LONP1: variants seen among roughly 807,000 people sequenced by gnomAD.
The protein encoded by LONP1 is lon protease homolog, mitochondrial.
A neutral mutation model predicts 98.5 loss-of-function variants in LONP1; 31 were observed. The ratio of observed to expected loss-of-function variants is 0.31; its 90% CI spans 0.24 to 0.42. LONP1 has a LOEUF of 0.42. Among genes scored for constraint, LONP1 ranks in the 20% least tolerant of loss-of-function variants. The pLI is 1.00. For synonymous variants in LONP1, 781 were observed against 594.7 expected, an observed-to-expected ratio of 1.31 and a Z score of -4.56; for missense variants, 1,336 against 1,350.6, an observed-to-expected ratio of 0.99 and a Z score of 0.17.
At position 5,707,757 on chromosome 19, in the gene LONP1, C is replaced by G; in HGVS notation, c.1002G>C (p.Met334Ile). 1 of 1,613,382 alleles carries G rather than the reference C, an allele frequency of 6.2e-7. No individual in the cohort carries two copies. The change falls in exon 6 of 18, where the codon ATG becomes ATC. Residue 334 changes from methionine to isoleucine, a missense_variant. Transcript: ENST00000360614. ...ACTCGGCCCCGGTGAGCGCGGCGCC[C>G]ATGTCGCTCAGGTAGATGGGGTTGT... is the stretch of plus-strand genomic sequence containing the variant. ...VVDNPIYLSD[M>I]GAALTGAESH...
rs1167909933 is a variant in LONP1 at position 5,699,057 on chromosome 19, A to G, written c.1655T>C (p.Met552Thr). 6.2e-7 allele frequency: 1 copy of G among 1,608,692 alleles called. No individual in the cohort carries two copies. Among genetic ancestry groups the G allele is most frequent in the South Asian group, 1.1e-5 (1 of 90,812 alleles). ...GCCCTTGATCTCAGCCACGTCAGTCATGCCCCCGACGCTGAAGCGGAAGTA... is the reference window on the plus strand; with the variant it reads ...GCCCTTGATCTCAGCCACGTCAGTCGTGCCCCCGACGCTGAAGCGGAAGTA... ...REYFRFSVGGMTDVAEIKGHR... is the reference protein window; with the variant it reads ...REYFRFSVGGTTDVAEIKGHR... Residue 552 changes from methionine to threonine, a missense_variant, in exon 10 of 18, where the codon ATG (methionine) becomes ACG (threonine). Physicochemically the swap from Met to Thr is moderately conservative, Grantham distance 81. Around this residue, in one of 5 missense-constraint regions of LONP1, gnomAD observed 219 missense variants for 241.0 expected, o/e 0.91. Coordinates refer to ENST00000360614, the MANE Select transcript of LONP1 (RefSeq NM_004793.4).
intron 4 of LONP1, among the ~76,000 whole-genome samples, chr19:5,711,250 C>G (rs1358083363): frequency 6.6e-6 from 1 of 152,198 alleles, no homozygotes; most frequent in Non-Finnish European, 1.5e-5. Flanking sequence ...CGCTTCAGGC[C>G]TTTGGTTAGC....
intron 4 of LONP1, chr19:5,709,033 AAGAC>A (rs1232714796): frequency 6.6e-6 from 1 of 150,872 alleles, no homozygotes; most frequent in East Asian, 2.0e-4. Flanking sequence ...AAAAAAAAAA[AAGAC>A]CAAGTCTTGC....
At chr19:5,699,571 T>TC (rs1568316456) in intron 9 of LONP1, among the ~76,000 whole-genome samples, 1 of 150,054 alleles carries the variant, frequency 6.7e-6, no homozygotes, top group African/African-American at 2.5e-5. Context: ...TTTTTTTTTT[T>TC]TTTTGAGATG....
intron 13 of LONP1, 42 bp downstream of exon 13, chr19:5,695,993 GGCTCTGGGGGGCGCCCCCT>G (rs1377842171): frequency 1.3e-6 from 2 of 1,482,674 alleles, no homozygotes; most frequent in East Asian, 2.3e-5. Flanking sequence ...GGCCTCTGCA[GGCTCTGGGGGGCGCCCCCT>G]GCTCTGGGAA....
intron 10 of LONP1, among the ~76,000 whole-genome samples, chr19:5,697,655 T>C (rs915985649): frequency 6.7e-6 from 1 of 150,236 alleles, no homozygotes; most frequent in Non-Finnish European, 1.5e-5. Flanking sequence ...GAACTTGGGC[T>C]TTGACCGAGG....
upstream of LONP1, chr19:5,720,369 A>G (rs2145647445): frequency 6.4e-6 from 4 of 626,004 alleles, no homozygotes; most frequent in South Asian, 2.4e-5. Flanking sequence ...GAAGGCTGTG[A>G]GCAGGCGCCA....
At chr19:5,718,828 GCT>G (rs1387603765) in intron 1 of LONP1, among the ~76,000 whole-genome samples, 2 of 151,824 alleles carry the variant, frequency 1.3e-5, no homozygotes, top group South Asian at 2.1e-4. Flanking sequence ...CACCCCCAAG[GCT>G]CTTAGTCTGA....
Position 5,696,771 on chromosome 19 carries a change from G to A in LONP1, c.1686-14C>T. 6.2e-7 allele frequency: 1 copy of A among 1,600,256 alleles called. No homozygotes were observed. The highest frequency in any genetic ancestry group is 8.6e-7 in the Non-Finnish European group (1 of 1,169,040). ...ACGTAGGTCCGCCTGTGGGTGCACA[G>A]CGGGGTCAGAGGTCACTTGGTAGCC... On this transcript the variant is annotated splice_polypyrimidine_tract_variant and intron_variant, in intron 10 of 17. Transcript: ENST00000360614.
At position 5,696,114 on chromosome 19, in the gene LONP1, G is replaced by C. The variant is rs754451480; in HGVS notation, c.1953C>G (p.Asp651Glu). ...CCGACACGTTGATCATCTCCATACG[G>C]TCTCGCAGCGGCTCGGGGATGGTGT... ...VTDTIPEPLRDRMEMINVSGY... is the reference protein window; with the variant it reads ...VTDTIPEPLRERMEMINVSGY... Residue 651 changes from aspartate (D) to glutamate (E), a missense_variant, in exon 13 of 18, where the codon GAC becomes GAG. This residue lies in a region of LONP1 where 555 missense variants were observed against 542.6 expected (regional missense o/e 1.02). Transcript: ENST00000360614. The C allele has an allele frequency of 6.2e-7, 1 of 1,613,166 alleles. No homozygotes were observed. Among genetic ancestry groups the C allele is most frequent in the Non-Finnish European group, 8.5e-7 (1 of 1,179,914 alleles).
chr19:5,698,005 G>A (rs1407047442), intron 10 of LONP1, among the ~76,000 whole-genome samples: 1 of 82,226 alleles, frequency 1.2e-5, no homozygotes, highest in African/African-American at 5.0e-5. Context: ...TCACCCAGCT[G>A]CTCCTTCCTG....
At chr19:5,708,468 G>GGGGGGGGCA in intron 4 of LONP1, 65 bp from the exon 5 acceptor site, 1 of 551,268 alleles carries the variant, frequency 1.8e-6, no homozygotes, top group Non-Finnish European at 3.4e-6. Flanking sequence ...GGCTGGGTGG[G>GGGGGGGGCA]AGCATGGCCC....
chr19:5,694,141 G>C (rs1360740613), intron 15 of LONP1, among the ~76,000 whole-genome samples: 2 of 152,180 alleles, frequency 1.3e-5, no homozygotes, highest in Non-Finnish European at 2.9e-5. Context: ...GGATGAGCTT[G>C]TCCTTACCTG....
intron 11 of LONP1, 96 bp downstream of exon 11, chr19:5,696,574 T>G: frequency 7.3e-7 from 1 of 1,367,366 alleles, no homozygotes; most frequent in Non-Finnish European, 1.0e-6. Context: ...CGATGGCCCC[T>G]GAGTTGGCTC....
intron 8 of LONP1, among the ~76,000 whole-genome samples, chr19:5,704,798 T>G (rs2055117008): frequency 6.6e-6 from 1 of 152,178 alleles, no homozygotes; most frequent in African/African-American, 2.4e-5. Context: ...TGGCTGACTC[T>G]CGAAGGGGCA....
chr19:5,718,330 TAGCCAGCCAC>T, intron 1 of LONP1, among the ~76,000 whole-genome samples: 1 of 151,970 alleles, frequency 6.6e-6, no homozygotes, highest in Middle Eastern at 3.4e-3. Flanking sequence ...ATAGAAAAAT[TAGCCAGCCAC>T]GGTGGCGGGC....
At chr19:5,707,461 G>A (rs552863692) in intron 6 of LONP1, among the ~76,000 whole-genome samples, 17 of 152,302 alleles carry the variant, frequency 1.1e-4, no homozygotes, top group African/African-American at 3.4e-4. Context: ...ACTCCCAACC[G>A]AAGGCTATGA....
chr19:5,693,216 G>A, intron 17 of LONP1, 82 bp downstream of exon 17: 1 of 1,501,862 alleles, frequency 6.7e-7, no homozygotes, highest in Non-Finnish European at 9.0e-7. Context: ...GGCCCAGGCA[G>A]AGGTTGCATG....
intron 8 of LONP1, among the ~76,000 whole-genome samples, chr19:5,702,997 C>T (rs1261859033): frequency 6.7e-6 from 1 of 148,692 alleles, no homozygotes; most frequent in Non-Finnish European, 1.5e-5. Flanking sequence ...CTGCGAGAAA[C>T]ACCCAAGAAT....
Sources: allele counts gnomAD v4.1 joint callset (sites outside exome capture counted in the v4.1 genomes callset), GRCh38; gene constraint gnomAD v4.1.1; regional missense constraint gnomAD v4.1.1; transcripts MANE v1.5; gene names NCBI Gene and HGNC (gene_info 2026-07-23, HGNC 2026-07-21).